Variants in TRHDE observed in about 807,000 individuals in gnomAD.
The protein encoded by TRHDE is thyrotropin-releasing hormone-degrading ectoenzyme.
Under a neutral mutation model 125.7 loss-of-function variants are expected in TRHDE, and 72 were observed. That is an observed-to-expected ratio of 0.57 (90% confidence interval 0.47 to 0.70). The LOEUF (loss-of-function observed/expected upper bound fraction) is 0.70. TRHDE is among the 30% of genes least tolerant of loss of function. The pLI, the probability that TRHDE is intolerant of heterozygous loss-of-function variation, is 0.00. For missense variants in TRHDE, 1,110 were observed against 1,327.1 expected (o/e 0.84, Z 2.54); for synonymous variants, 509 against 509.1 (o/e 1.00, Z 0.00).
Position 72,465,888 on chromosome 12 carries a change from G to A in TRHDE, c.1316-3870G>A, listed in dbSNP as rs138533847. ...TTCTTTATTTTTTCCCTACTCTGCC[G>A]TTTATAATCATGGTTCCTCATATTT... On this transcript the variant is annotated intron_variant, in intron 3 of 18. Transcript: ENST00000261180. Among the ~76,000 whole-genome samples, 716 of 152,148 alleles carry A rather than the reference G, an allele frequency of 4.7e-3. 4 individuals carry two copies. Among genetic ancestry groups the A allele is most frequent in the Non-Finnish European group, 8.5e-3 (575 of 68,004 alleles).
At chr12:72,191,304 G>A (rs1408762759) in intron 2 of TRHDE, among the ~76,000 whole-genome samples, 2 of 152,056 alleles carry the variant, frequency 1.3e-5, no homozygotes, top group African/African-American at 2.4e-5. Context: ...TTCTATAGTT[G>A]TCTTATTGTA....
chr12:72,148,964 T>A (rs1876290560), intron 2 of TRHDE, among the ~76,000 whole-genome samples: 1 of 152,174 alleles, frequency 6.6e-6, no homozygotes, highest in South Asian at 2.1e-4. Flanking sequence ...AAACGACTTT[T>A]CACAAGAATG....
intron 2 of TRHDE, among the ~76,000 whole-genome samples, chr12:72,139,854 G>C (rs962636342): frequency 6.6e-6 from 1 of 152,170 alleles, no homozygotes; most frequent in African/African-American, 2.4e-5. Flanking sequence ...ATGGGAATGA[G>C]TGGTTGGATA....
chr12:72,216,892 C>T (rs1007740409), intron 2 of TRHDE, among the ~76,000 whole-genome samples: 1 of 151,212 alleles, frequency 6.6e-6, no homozygotes, highest in Non-Finnish European at 1.5e-5. Flanking sequence ...TGGTATTGGT[C>T]ATGAAAAGTA....
chr12:72,472,713 T>C (rs1238155161), intron 4 of TRHDE, among the ~76,000 whole-genome samples: 1 of 152,226 alleles, frequency 6.6e-6, no homozygotes, highest in Non-Finnish European at 1.5e-5. Flanking sequence ...TTGTCCCTTG[T>C]AGGGTCACAA....
chr12:72,096,134 T>TATACACACACACACACACACAC (rs1555218842), intron 1 of TRHDE, among the ~76,000 whole-genome samples: 85 of 145,194 alleles, frequency 5.9e-4, no homozygotes, highest in African/African-American at 1.9e-3. Context: ...CTTATGTGTA[T>TATACACACACACACACACACAC]ACACACACAC....
chr12:72,151,745 A>G (rs916227183), intron 2 of TRHDE, among the ~76,000 whole-genome samples: 22 of 152,048 alleles, frequency 1.4e-4, no homozygotes, highest in Non-Finnish European at 2.5e-4. Flanking sequence ...GTTCTGTTCC[A>G]TTGGTCTATA....
chr12:72,499,010 A>G (rs1202782844), intron 5 of TRHDE, among the ~76,000 whole-genome samples: 2 of 150,988 alleles, frequency 1.3e-5, no homozygotes, highest in African/African-American at 4.9e-5. Context: ...GAGTGTGTGA[A>G]GGGGACAGGA....
intron 12 of TRHDE, 23 bp downstream of exon 12, chr12:72,575,565 C>G (rs1186567599): frequency 8.1e-6 from 13 of 1,611,398 alleles, no homozygotes; most frequent in Non-Finnish European, 8.5e-6. Flanking sequence ...GTGGATCTCC[C>G]CAATAAAAAC....
At chr12:72,195,443 C>A (rs550007092) in intron 2 of TRHDE, among the ~76,000 whole-genome samples, 2 of 152,222 alleles carry the variant, frequency 1.3e-5, no homozygotes, top group East Asian at 1.9e-4. Context: ...AGTAGCCATT[C>A]TGACTGATGA....
chr12:72,277,902 G>A (rs900604182), intron 1 of TRHDE, among the ~76,000 whole-genome samples: 1 of 152,118 alleles, frequency 6.6e-6, no homozygotes, highest in Non-Finnish European at 1.5e-5. Flanking sequence ...AACAAATGTA[G>A]TTAATTAACA....
chr12:72,096,134 T>TATACACAC (rs1555218842), intron 1 of TRHDE, among the ~76,000 whole-genome samples: 15 of 145,100 alleles, frequency 1.0e-4, no homozygotes, highest in Non-Finnish European at 2.1e-4. Context: ...CTTATGTGTA[T>TATACACAC]ACACACACAC....
At chr12:72,659,676 AC>A (rs1874840959) in intron 18 of TRHDE, among the ~76,000 whole-genome samples, 1 of 152,186 alleles carries the variant, frequency 6.6e-6, no homozygotes, top group African/African-American at 2.4e-5. Context: ...AAATTAACAA[AC>A]ATGCTTCAAA....
intron 1 of TRHDE, among the ~76,000 whole-genome samples, chr12:72,279,358 T>C (rs1453575160): frequency 1.3e-5 from 2 of 152,070 alleles, no homozygotes; most frequent in African/African-American, 2.4e-5. Context: ...CCCCCAATGC[T>C]CATCCTCCCA....
At chr12:72,340,133 C>A (rs935032776) in intron 2 of TRHDE, among the ~76,000 whole-genome samples, 2 of 152,132 alleles carry the variant, frequency 1.3e-5, no homozygotes, top group Non-Finnish European at 2.9e-5. Context: ...TTTCTGTATG[C>A]AACTCTCCCT....
intron 2 of TRHDE, among the ~76,000 whole-genome samples, chr12:72,184,693 C>T (rs1877165668): frequency 6.6e-6 from 1 of 152,028 alleles, no homozygotes; most frequent in South Asian, 2.1e-4. Context: ...TTCCCCTTAC[C>T]TGCAATTTCT....
intron 2 of TRHDE, among the ~76,000 whole-genome samples, chr12:72,335,823 T>C (rs1334211497): frequency 3.3e-5 from 5 of 152,196 alleles, no homozygotes; most frequent in Non-Finnish European, 5.9e-5. Flanking sequence ...GGCAAGATAT[T>C]TGAATTCAGA....
chr12:72,402,814 T>G (rs375484007), intron 3 of TRHDE, among the ~76,000 whole-genome samples: 14 of 152,174 alleles, frequency 9.2e-5, no homozygotes, highest in African/African-American at 3.1e-4. Context: ...CTTTATTTCC[T>G]AAGGTAAAAG....
intron 15 of TRHDE, among the ~76,000 whole-genome samples, chr12:72,632,911 A>T (rs1873557979): frequency 6.7e-6 from 1 of 148,966 alleles, no homozygotes; most frequent in African/African-American, 2.5e-5. Context: ...CTCCTTTTTG[A>T]CCTTTTCTTT....
Sources: allele counts gnomAD v4.1 joint callset (sites outside exome capture counted in the v4.1 genomes callset), GRCh38; gene constraint gnomAD v4.1.1; transcripts MANE v1.5; gene names NCBI Gene and HGNC (gene_info 2026-07-23, HGNC 2026-07-21).